Variants in CSMD1 observed in about 807,000 individuals in gnomAD.
The protein encoded by CSMD1 is CUB and sushi domain-containing protein 1.
CSMD1 carries 213 observed loss-of-function variants against 417.5 expected under a neutral mutation model. The ratio of observed to expected loss-of-function variants is 0.51; its 90% CI spans 0.46 to 0.57. CSMD1 has a LOEUF of 0.57. Ranked by LOEUF, CSMD1 falls within the 20% of genes least tolerant of loss-of-function variation. CSMD1 has a pLI of 0.00. For missense variants in CSMD1, 6,923 were observed against 4,529.7 expected, an observed-to-expected ratio of 1.53 and a Z score of -15.17; for synonymous variants, 2,862 against 1,736.8, an observed-to-expected ratio of 1.65 and a Z score of -16.11.
intron 23 of CSMD1, among the ~76,000 whole-genome samples, chr8:3,310,771 G>A (rs2117410860): frequency 6.6e-6 from 1 of 151,270 alleles, no homozygotes; most frequent in Middle Eastern, 3.4e-3. Flanking sequence ...ATGGCAGCGG[G>A]GCCAGGAAAC....
intron 3 of CSMD1, among the ~76,000 whole-genome samples, chr8:4,073,073 T>C (rs1419225102): frequency 6.6e-6 from 1 of 152,210 alleles, no homozygotes; most frequent in Non-Finnish European, 1.5e-5. Context: ...ATTCTGGTTT[T>C]CTCTTTATGA....
intron 6 of CSMD1, among the ~76,000 whole-genome samples, chr8:3,711,710 C>A (rs1216333809): frequency 6.6e-6 from 1 of 152,130 alleles, no homozygotes; most frequent in African/African-American, 2.4e-5. Context: ...GCCAGCTCTC[C>A]CCAGGATAAT....
intron 12 of CSMD1, among the ~76,000 whole-genome samples, chr8:3,434,191 C>T (rs1055371346): frequency 2.0e-5 from 3 of 152,168 alleles, no homozygotes; most frequent in African/African-American, 7.2e-5. Context: ...TTCCTTAGAA[C>T]ATTTCCCATT....
chr8:3,105,685 A>AT (rs1286525632), intron 46 of CSMD1, among the ~76,000 whole-genome samples: 11 of 152,172 alleles, frequency 7.2e-5, no homozygotes, highest in Non-Finnish European at 1.2e-4. Flanking sequence ...TGCATGTTTC[A>AT]TTTTTTATAA....
At chr8:3,473,075 G>T (rs530909344) in intron 11 of CSMD1, among the ~76,000 whole-genome samples, 1 of 151,990 alleles carries the variant, frequency 6.6e-6, no homozygotes, top group Non-Finnish European at 1.5e-5. Context: ...TACTAAAAAC[G>T]TAATTGTCAT....
At chr8:4,198,547 A>G (rs1799470996) in intron 3 of CSMD1, among the ~76,000 whole-genome samples, 1 of 152,178 alleles carries the variant, frequency 6.6e-6, no homozygotes, top group African/African-American at 2.4e-5. Flanking sequence ...GTCTAGAAAT[A>G]TGACACTTTC....
chr8:4,351,447 G>T (rs1189444782), intron 3 of CSMD1, among the ~76,000 whole-genome samples: 2 of 152,170 alleles, frequency 1.3e-5, no homozygotes, highest in Admixed American at 6.5e-5. Flanking sequence ...TTAAAATAAT[G>T]TCTAAAAAGC....
At chr8:4,389,700 T>A (rs549761313) in intron 3 of CSMD1, among the ~76,000 whole-genome samples, 1 of 152,270 alleles carries the variant, frequency 6.6e-6, no homozygotes, top group South Asian at 2.1e-4. Flanking sequence ...CATTCTAAGA[T>A]TTTTTTATTT....
At chr8:4,421,632 A>T (rs1345259949) in intron 2 of CSMD1, among the ~76,000 whole-genome samples, 2 of 152,074 alleles carry the variant, frequency 1.3e-5, no homozygotes, top group Non-Finnish European at 2.9e-5. Flanking sequence ...ATACAGATAA[A>T]CTGAATGAAA....
intron 5 of CSMD1, among the ~76,000 whole-genome samples, chr8:3,974,558 T>A (rs2049306): frequency 6.6e-6 from 1 of 151,808 alleles, no homozygotes; most frequent in Non-Finnish European, 1.5e-5. Context: ...ATTTAAATGT[T>A]TGCTTTCAGA....
intron 17 of CSMD1, among the ~76,000 whole-genome samples, chr8:3,390,354 C>CAAAAAA (rs35292914): frequency 1.6e-5 from 1 of 64,262 alleles, no homozygotes; most frequent in Non-Finnish European, 2.7e-5. Flanking sequence ...GACTCTGTCT[C>CAAAAAA]AAAAAAAAAA....
intron 9 of CSMD1, among the ~76,000 whole-genome samples, chr8:3,582,096 T>C (rs1265435548): frequency 6.6e-6 from 1 of 152,138 alleles, no homozygotes; most frequent in Admixed American, 6.5e-5. Flanking sequence ...CGCTGGCCAA[T>C]GCTGTCTTTT....
intron 2 of CSMD1, among the ~76,000 whole-genome samples, chr8:4,535,649 G>C (rs545069028): frequency 6.6e-6 from 1 of 152,084 alleles, no homozygotes; most frequent in Non-Finnish European, 1.5e-5. Flanking sequence ...TTCATGATTT[G>C]CCAAAGACCT....
intron 1 of CSMD1, among the ~76,000 whole-genome samples, chr8:4,831,647 G>T (rs1052980044): frequency 5.3e-5 from 8 of 152,154 alleles, no homozygotes; most frequent in Non-Finnish European, 8.8e-5. Flanking sequence ...AAAGGTCATG[G>T]AATGATGATA....
At chr8:4,161,681 A>G (rs944815117) in intron 3 of CSMD1, among the ~76,000 whole-genome samples, 2 of 152,192 alleles carry the variant, frequency 1.3e-5, no homozygotes, top group Non-Finnish European at 2.9e-5. Flanking sequence ...AATTATTACA[A>G]TTTAGCAGAA....
intron 52 of CSMD1, among the ~76,000 whole-genome samples, chr8:3,000,488 T>A (rs561232392): frequency 6.6e-6 from 1 of 152,286 alleles, no homozygotes; most frequent in African/African-American, 2.4e-5. Context: ...GGAATTAACA[T>A]GAACAGGGCT....
chr8:4,023,721 G>A (rs1796907077), intron 4 of CSMD1, among the ~76,000 whole-genome samples: 1 of 148,582 alleles, frequency 6.7e-6, no homozygotes, highest in Non-Finnish European at 1.5e-5. Flanking sequence ...CGAGTAGCTG[G>A]GACTACAAGC....
intron 3 of CSMD1, among the ~76,000 whole-genome samples, chr8:4,285,316 C>G (rs1008422365): frequency 6.6e-6 from 1 of 152,152 alleles, no homozygotes; most frequent in Non-Finnish European, 1.5e-5. Flanking sequence ...AAGCCATGTG[C>G]AGTCCTTTAC....
intron 3 of CSMD1, among the ~76,000 whole-genome samples, chr8:4,245,878 G>T (rs552366502): frequency 6.6e-6 from 1 of 152,070 alleles, no homozygotes; most frequent in Non-Finnish European, 1.5e-5. Context: ...ACATCTCACA[G>T]GGTATACTTT....
Sources: allele counts gnomAD v4.1 joint callset (sites outside exome capture counted in the v4.1 genomes callset), GRCh38; gene constraint gnomAD v4.1.1; transcripts MANE v1.5; gene names NCBI Gene and HGNC (gene_info 2026-07-23, HGNC 2026-07-21).